FAF1: variants seen among roughly 807,000 people sequenced by gnomAD.
FAF1 encodes FAS-associated factor 1.
Under a neutral mutation model 92.5 loss-of-function variants are expected in FAF1, and 25 were observed. The observed-to-expected ratio is 0.27, with a 90% confidence interval of 0.20 to 0.38. The LOEUF is 0.38. Ranked by LOEUF, FAF1 falls within the 10% of genes least tolerant of loss-of-function variation. The pLI is 1.00. For synonymous variants in FAF1, 234 were observed against 273.2 expected (o/e 0.86, Z 1.42); for missense variants, 636 against 793.3 (o/e 0.80, Z 2.38).
intron 6 of FAF1, among the ~76,000 whole-genome samples, chr1:50,718,033 T>A (rs1445341667): frequency 1.3e-5 from 2 of 149,316 alleles, no homozygotes; most frequent in African/African-American, 5.0e-5. Context: ...ATTTATTTAT[T>A]TATTGAGACG....
chr1:50,817,908 T>C (rs966232087), intron 2 of FAF1, among the ~76,000 whole-genome samples: 1 of 152,154 alleles, frequency 6.6e-6, no homozygotes, highest in Non-Finnish European at 1.5e-5. Flanking sequence ...TTTTCAATAG[T>C]ACATATTCTG....
chr1:50,948,827 T>C (rs956417357), intron 1 of FAF1, among the ~76,000 whole-genome samples: 6 of 152,082 alleles, frequency 3.9e-5, no homozygotes, highest in South Asian at 2.1e-4. Flanking sequence ...CACTTGGCCC[T>C]AGACTCTTAA....
intron 18 of FAF1, among the ~76,000 whole-genome samples, chr1:50,459,994 A>T (rs1291927466): frequency 6.6e-6 from 1 of 152,236 alleles, no homozygotes; most frequent in Admixed American, 6.5e-5. Flanking sequence ...GTAGTAAAGA[A>T]TTCTGTGGAG....
At chr1:50,773,137 G>C (rs763363066) in intron 4 of FAF1, among the ~76,000 whole-genome samples, 22 of 152,332 alleles carry the variant, frequency 1.4e-4, no homozygotes, top group African/African-American at 4.6e-4. Context: ...AAATATGTGA[G>C]TATTTTGAGG....
intron 13 of FAF1, among the ~76,000 whole-genome samples, chr1:50,547,417 A>ATT (rs34513367): frequency 0.017 from 2,455 of 146,244 alleles, 70 homozygotes; most frequent in African/African-American, 0.056. Flanking sequence ...AAGCCACGTA[A>ATT]TTTTTTTTTT....
At chr1:50,597,594 C>T (rs1345296773) in intron 8 of FAF1, among the ~76,000 whole-genome samples, 1 of 151,992 alleles carries the variant, frequency 6.6e-6, no homozygotes, top group Non-Finnish European at 1.5e-5. Context: ...ACTACATCAA[C>T]ACAAAAAGTT....
chr1:50,689,808 C>T (rs1430656700), intron 7 of FAF1, among the ~76,000 whole-genome samples: 1 of 152,026 alleles, frequency 6.6e-6, no homozygotes, highest in Non-Finnish European at 1.5e-5. Context: ...TAAAAACATG[C>T]CATTCTATTT....
intron 1 of FAF1, among the ~76,000 whole-genome samples, chr1:50,951,756 A>G (rs1431540108): frequency 6.6e-6 from 1 of 152,238 alleles, no homozygotes; most frequent in Non-Finnish European, 1.5e-5. Context: ...CCCAGGAATG[A>G]AAAAATATGA....
At chr1:50,459,343 A>G (rs1000439824) in intron 18 of FAF1, among the ~76,000 whole-genome samples, 40 of 152,264 alleles carry the variant, frequency 2.6e-4, no homozygotes, top group African/African-American at 8.9e-4. Flanking sequence ...TGCTCCAGTC[A>G]CTGCCAGGGG....
intron 8 of FAF1, among the ~76,000 whole-genome samples, chr1:50,616,464 C>A (rs141449415): frequency 2.0e-5 from 3 of 152,270 alleles, no homozygotes; most frequent in African/African-American, 7.2e-5. Context: ...TCTTCCAATG[C>A]ATGACTATGA....
chr1:50,519,347 T>TGAAGGAAG (rs1272209244), intron 15 of FAF1, among the ~76,000 whole-genome samples: 17 of 105,264 alleles, frequency 1.6e-4, no homozygotes, highest in South Asian at 3.1e-4. Flanking sequence ...AAGGAAGGAA[T>TGAAGGAAG]GAAGGAAGGA....
chr1:50,656,643 G>T (rs1332694350), intron 7 of FAF1, among the ~76,000 whole-genome samples: 3 of 152,146 alleles, frequency 2.0e-5, no homozygotes, highest in Admixed American at 2.0e-4. Context: ...AGCACTTTGG[G>T]AGGCCGAGGT....
At chr1:50,800,074 T>G (rs1177146074) in intron 3 of FAF1, among the ~76,000 whole-genome samples, 1 of 152,118 alleles carries the variant, frequency 6.6e-6, no homozygotes, top group Non-Finnish European at 1.5e-5. Context: ...ACCAACAAAA[T>G]CCTACTCTGA....
chr1:50,601,868 T>C (rs1040048399), intron 8 of FAF1, among the ~76,000 whole-genome samples: 2 of 152,094 alleles, frequency 1.3e-5, no homozygotes, highest in South Asian at 2.1e-4. Flanking sequence ...CCTCCCCAAA[T>C]ACATGCTTGC....
At chr1:50,612,330 C>T (rs1392863582) in intron 8 of FAF1, 1 of 1,229,940 alleles carries the variant, frequency 8.1e-7, no homozygotes, top group African/African-American at 1.6e-5. Flanking sequence ...GGTTATTTTA[C>T]CTCAAGCAGA....
At chr1:50,766,046 CGCG>C (rs1302937897) in intron 4 of FAF1, among the ~76,000 whole-genome samples, 1 of 151,980 alleles carries the variant, frequency 6.6e-6, no homozygotes, top group Non-Finnish European at 1.5e-5. Flanking sequence ...GAGCCGAGAT[CGCG>C]CCATTGCACT....
At chr1:50,460,918 GC>G (rs1159909628) in intron 18 of FAF1, among the ~76,000 whole-genome samples, 5 of 152,112 alleles carry the variant, frequency 3.3e-5, no homozygotes, top group African/African-American at 1.2e-4. Flanking sequence ...CTCCCAAAGT[GC>G]TAGGATTACT....
chr1:50,441,427 C>T lies in FAF1; in HGVS notation c.*13G>A, dbSNP rs1298717519. ...CTTGTCAAGGAATGGCTGGTTCCAC[C>T]GCTGGGCCGTGTTTACTCTTTTGCT... On this transcript the variant is annotated 3_prime_UTR_variant, in exon 19 of 19. Coordinates refer to ENST00000396153, the MANE Select transcript of FAF1 (RefSeq NM_007051.3). The T allele has an allele frequency of 3.4e-5, 51 of 1,503,258 alleles. No homozygotes were observed. The highest frequency in any genetic ancestry group is 3.9e-5 in the Non-Finnish European group (43 of 1,114,026). 93.1% of individuals were successfully genotyped at this position (1,503,258 alleles called of 1,614,324 possible).
intron 1 of FAF1, among the ~76,000 whole-genome samples, chr1:50,902,473 A>T (rs954345624): frequency 5.3e-5 from 8 of 152,198 alleles, no homozygotes; most frequent in African/African-American, 1.9e-4. Context: ...ATCTATTCTT[A>T]CTTTCTTTAA....
Sources: allele counts gnomAD v4.1 joint callset (sites outside exome capture counted in the v4.1 genomes callset), GRCh38; gene constraint gnomAD v4.1.1; transcripts MANE v1.5; gene names NCBI Gene and HGNC (gene_info 2026-07-23, HGNC 2026-07-21).